Variants in ITGAM observed in about 807,000 individuals in gnomAD.
The protein encoded by ITGAM is integrin subunit alpha M.
A neutral mutation model predicts 137.5 loss-of-function variants in ITGAM; 79 were observed. The ratio of observed to expected loss-of-function variants is 0.57; its 90% CI spans 0.48 to 0.69. ITGAM has a LOEUF of 0.69. Among genes scored for constraint, ITGAM ranks in the 30% least tolerant of loss-of-function variants. ITGAM has a pLI of 0.00. For synonymous variants in ITGAM, 583 were observed against 592.3 expected (o/e 0.98, Z 0.23); for missense variants, 1,343 against 1,483.5 (o/e 0.91, Z 1.56).
chr16:31,284,160 G>A (rs1282872886), intron 12 of ITGAM, among the ~76,000 whole-genome samples: 4 of 152,178 alleles, frequency 2.6e-5, no homozygotes, highest in African/African-American at 7.2e-5. Context: ...CCCCCAGTTA[G>A]GCTACTTGGG....
chr16:31,309,345 G>A (rs1427933889), intron 14 of ITGAM, among the ~76,000 whole-genome samples: 2 of 93,986 alleles, frequency 2.1e-5, no homozygotes, highest in African/African-American at 4.5e-5. Context: ...CCTGTATTGG[G>A]TGCATATATA....
intron 14 of ITGAM, among the ~76,000 whole-genome samples, chr16:31,308,597 A>C (rs955338785): frequency 3.3e-5 from 5 of 152,192 alleles, no homozygotes; most frequent in Admixed American, 6.5e-5. Context: ...TTTTCAAAAA[A>C]ACCAGCTCCT....
chr16:31,282,510 A>C (rs1450242308), intron 12 of ITGAM, among the ~76,000 whole-genome samples: 2 of 152,148 alleles, frequency 1.3e-5, no homozygotes, highest in African/African-American at 4.8e-5. Flanking sequence ...GTTGGTTTAA[A>C]GACTGTTTCA....
chr16:31,325,445 C>T (rs1333336630), intron 20 of ITGAM, 41 bp downstream of exon 20: 12 of 1,612,678 alleles, frequency 7.4e-6, no homozygotes, highest in Non-Finnish European at 1.0e-5. Flanking sequence ...CCTTTGCTTC[C>T]CCATCCTCAC....
chr16:31,328,091 G>T, intron 22 of ITGAM, 56 bp from the exon 23 acceptor site: 18 of 1,343,346 alleles, frequency 1.3e-5, no homozygotes, highest in Non-Finnish European at 1.7e-5. Flanking sequence ...AGAGGGAGGA[G>T]CAAAGACTAA....
At chr16:31,263,048 T>G (rs573908287) in intron 2 of ITGAM, among the ~76,000 whole-genome samples, 16 of 152,054 alleles carry the variant, frequency 1.1e-4, no homozygotes, top group African/African-American at 3.9e-4. Flanking sequence ...TTCAATCGAT[T>G]CTCCTGCCTC....
Position 31,265,469 on chromosome 16 carries a change from C to G in ITGAM, c.209C>G (p.Thr70Arg), listed in dbSNP as rs2079754934. The G allele has an allele frequency of 6.2e-7, 1 of 1,604,742 alleles. No homozygotes were observed. The highest frequency in any genetic ancestry group is 1.1e-5 in the South Asian group (1 of 89,420). The change falls in exon 3 of 30, where the codon ACA (threonine) becomes AGA (arginine). Residue 70 changes from threonine to arginine, a missense_variant. Coordinates refer to ENST00000544665, the MANE Select transcript of ITGAM (RefSeq NM_000632.4). Reference protein sequence around the residue: ...RGSLYQCDYSTGSCEPIRLQV... With the variant: ...RGSLYQCDYSRGSCEPIRLQV... ...AGCCTCTACCAGTGCGACTACAGCA[C>G]AGGCTCATGCGAGCCCATCCGCCTG...
intron 5 of ITGAM, among the ~76,000 whole-genome samples, chr16:31,268,766 T>G (rs981008944): frequency 1.3e-5 from 2 of 152,180 alleles, no homozygotes; most frequent in Non-Finnish European, 2.9e-5. Flanking sequence ...CGCCGTCACA[T>G]ACGTTTGTCC....
intron 12 of ITGAM, among the ~76,000 whole-genome samples, chr16:31,283,424 A>G (rs1170255450): frequency 6.6e-6 from 1 of 150,462 alleles, no homozygotes; most frequent in Non-Finnish European, 1.5e-5. Flanking sequence ...ATTTCTTTTT[A>G]CTCTTTTTTT....
rs764632349 is a variant in ITGAM at position 31,331,721 on chromosome 16, A to G, written c.*14A>G. 2.5e-6 allele frequency: 4 copies of G among 1,581,600 alleles called. No individual in the cohort carries two copies. The highest frequency in any genetic ancestry group is 2.6e-6 in the Non-Finnish European group (3 of 1,163,800). ...GAACCCCAGTAGCGGCTCCTTCCCG[A>G]CAGAGCTGCCTCTCGGTGGCCAGCA... is the stretch of plus-strand genomic sequence containing the variant. On this transcript the variant is annotated 3_prime_UTR_variant, in exon 30 of 30. Coordinates refer to ENST00000544665, the MANE Select transcript of ITGAM (RefSeq NM_000632.4).
chr16:31,330,037 G>GA, intron 25 of ITGAM, 44 bp from the exon 26 acceptor site: 1 of 1,587,880 alleles, frequency 6.3e-7, no homozygotes, highest in Non-Finnish European at 8.6e-7. Context: ...ATGAGGCCCT[G>GA]GCGCCTTCAT....
chr16:31,296,402 T>A (rs539534185), intron 12 of ITGAM, among the ~76,000 whole-genome samples: 44 of 152,200 alleles, frequency 2.9e-4, no homozygotes, highest in African/African-American at 1.0e-3. Flanking sequence ...CATGAGCCAC[T>A]GCATCTGGCC....
chr16:31,271,034 A>T lies in ITGAM; in HGVS notation c.508A>T (p.Lys170Ter). 1 of 1,584,160 alleles carries T rather than the reference A, an allele frequency of 6.3e-7. No individual in the cohort carries two copies. The highest frequency in any genetic ancestry group is 8.6e-7 in the Non-Finnish European group (1 of 1,162,034). Residue 170 changes from lysine (K) to a stop codon, truncating the protein, a stop_gained, in exon 6 of 30, where the codon AAG (lysine) becomes TAG (stop). Transcript: ENST00000544665. LOFTEE classifies it high-confidence loss of function. ...CATCCCACATGACTTTCGGCGGATG[A>T]AGGAGTTTGTCTCAACTGTGATGGA... ...SIIPHDFRRMKEFVSTVMEQL... is the reference protein window; with the variant it reads ...SIIPHDFRRM
At position 31,324,093 on chromosome 16, in the gene ITGAM, AAAGGAAGAAAAGG is replaced by A. The variant is rs2080478929; in HGVS notation, c.2003-298_2003-286del. On this transcript the variant is annotated intron_variant, in intron 16 of 29. Transcript: ENST00000544665. The surrounding 1 kb of genome is among the most constrained non-coding windows in gnomAD (Gnocchi z 4.5). ...AAGGAAGGAAAGTAGGAAAGGAAGG[AAAGGAAGAAAAGG>A]AAGGAAGGAAGAAGGGAAGGAAGGA... Among the ~76,000 whole-genome samples the A allele has an allele frequency of 6.6e-6, 1 of 151,030 alleles. No individual in the cohort carries two copies. The highest frequency in any genetic ancestry group is 2.1e-4 in the South Asian group (1 of 4,750).
chr16:31,324,040 AGGAAGGAAGGAAGAAG>A lies in ITGAM; in HGVS notation c.2003-346_2003-331del, dbSNP rs1414178968. Among the ~76,000 whole-genome samples, 1 of 151,442 alleles carries A rather than the reference AGGAAGGAAGGAAGAAG, an allele frequency of 6.6e-6. No individual in the cohort carries two copies. The highest frequency in any genetic ancestry group is 1.5e-5 in the Non-Finnish European group (1 of 67,884). ...AAAAGAAAATAAAAAATAAAAAGAA[AGGAAGGAAGGAAGAAG>A]GGAAGGAAGGAAAGGAAGGAAAGTA... On this transcript the variant is annotated intron_variant, in intron 16 of 29. Transcript: ENST00000544665. This position sits in a 1 kb window ranked among gnomAD's most constrained non-coding sequence, Gnocchi z 4.5.
chr16:31,283,320 A>C (rs566496095), intron 12 of ITGAM, among the ~76,000 whole-genome samples: 3 of 152,194 alleles, frequency 2.0e-5, no homozygotes, highest in Non-Finnish European at 4.4e-5. Flanking sequence ...GTGTTTTCCA[A>C]CTTGGTTCCA....
At chr16:31,329,073 T>TAC in intron 23 of ITGAM, 155 bp from the exon 24 acceptor site, 15 of 426,226 alleles carry the variant, frequency 3.5e-5, no homozygotes, top group South Asian at 1.1e-4. Context: ...ACACATTGGT[T>TAC]CCCCCATCCC....
chr16:31,270,137 G>GCTTTCTTTTCCTTTCCTTTC (rs2079814212), intron 5 of ITGAM, among the ~76,000 whole-genome samples: 1 of 88,388 alleles, frequency 1.1e-5, no homozygotes, highest in African/African-American at 4.3e-5. Context: ...TTCCTCCTTT[G>GCTTTCTTTTCCTTTCCTTTC]CTTTCCTTTC....
At chr16:31,310,727 G>A (rs7206312) in intron 14 of ITGAM, among the ~76,000 whole-genome samples, 21,678 of 146,844 alleles carry the variant, frequency 0.15, 1,720 homozygotes, top group South Asian at 0.21. Context: ...GCTTTGTTCC[G>A]TTGCTGGTGA....
Sources: gnomAD v4.1 joint callset for allele counts (sites outside exome capture counted in the v4.1 genomes callset) on GRCh38, gnomAD v4.1.1 for gene constraint, Gnocchi (gnomAD v3.1) non-coding constraint, MANE v1.5 for transcripts, NCBI Gene and HGNC (gene_info 2026-07-23, HGNC 2026-07-21) for gene names.